Variants in GLG1 observed in about 807,000 individuals in gnomAD.
GLG1 encodes the protein golgi glycoprotein 1.
GLG1 carries 38 observed loss-of-function variants against 160.5 expected under a neutral mutation model. The observed-to-expected ratio is 0.24, with a 90% CI of 0.18 to 0.31. GLG1 has a LOEUF of 0.31. Among genes scored for constraint, GLG1 ranks in the 10% least tolerant of loss-of-function variants. GLG1 has a pLI of 1.00. For synonymous variants in GLG1, 644 were observed against 543.4 expected (o/e 1.19, Z -2.57); for missense variants, 1,373 against 1,505.2 (o/e 0.91, Z 1.45).
intron 16 of GLG1, 143 bp from the exon 17 acceptor site, chr16:74,469,206 T>A (rs1265272041): frequency 1.4e-5 from 9 of 629,388 alleles, no homozygotes. Context: ...CTGTATTTTT[T>A]TTCAGGGTGC....
intron 1 of GLG1, among the ~76,000 whole-genome samples, chr16:74,534,345 T>C (rs1429637735): frequency 6.6e-6 from 1 of 150,386 alleles, no homozygotes; most frequent in Non-Finnish European, 1.5e-5. Context: ...TTCTACACTA[T>C]CCTTTTAAAA....
At chr16:74,537,922 A>G (rs1202604980) in intron 1 of GLG1, among the ~76,000 whole-genome samples, 4 of 152,336 alleles carry the variant, frequency 2.6e-5, no homozygotes, top group South Asian at 4.1e-4. Context: ...GTCTGGAACT[A>G]TGATTTCCCC....
chr16:74,519,623 C>A (rs1300111129), intron 2 of GLG1, among the ~76,000 whole-genome samples: 1 of 150,450 alleles, frequency 6.6e-6, no homozygotes, highest in Non-Finnish European at 1.5e-5. Flanking sequence ...CTTTTATTCA[C>A]CCTTAAAATT....
At chr16:74,579,648 G>A (rs923869563) in intron 1 of GLG1, among the ~76,000 whole-genome samples, 1 of 151,898 alleles carries the variant, frequency 6.6e-6, no homozygotes, top group Non-Finnish European at 1.5e-5. Context: ...CTTGAACCAG[G>A]GAGGCGGAGG....
chr16:74,479,119 G>A (rs2143300570), intron 11 of GLG1, among the ~76,000 whole-genome samples: 1 of 131,758 alleles, frequency 7.6e-6, no homozygotes, highest in Middle Eastern at 4.8e-3. Context: ...CAGCTACTCG[G>A]GAGGCTGAGG....
chr16:74,531,981 C>G (rs529853283), intron 2 of GLG1, 140 bp downstream of exon 2: 123 of 411,666 alleles, frequency 3.0e-4, no homozygotes, highest in African/African-American at 2.2e-3. Flanking sequence ...ATTTTACCAG[C>G]ATCCTTAAAG....
At chr16:74,567,486 A>G (rs1312431952) in intron 1 of GLG1, among the ~76,000 whole-genome samples, 10 of 152,134 alleles carry the variant, frequency 6.6e-5, no homozygotes, top group Non-Finnish European at 1.5e-5. Context: ...GTCACGTCAG[A>G]AGTAAAACTC....
chr16:74,471,359 C>T, intron 14 of GLG1, 73 bp from the exon 15 acceptor site: 1 of 827,542 alleles, frequency 1.2e-6, no homozygotes, highest in South Asian at 1.4e-5. Context: ...CAGTCCGAAA[C>T]AAATGCAAGC....
chr16:74,489,642 C>G (rs1284867207), intron 8 of GLG1, among the ~76,000 whole-genome samples: 1 of 152,148 alleles, frequency 6.6e-6, no homozygotes, highest in Non-Finnish European at 1.5e-5. Flanking sequence ...CAACTGCACC[C>G]TAGAAACAAC....
intron 22 of GLG1, among the ~76,000 whole-genome samples, chr16:74,460,986 C>A (rs186768876): frequency 3.3e-5 from 5 of 152,338 alleles, no homozygotes; most frequent in African/African-American, 1.2e-4. Flanking sequence ...ACACAGCCCA[C>A]AGCAAAGACA....
intron 2 of GLG1, among the ~76,000 whole-genome samples, chr16:74,525,726 G>A (rs2143577364): frequency 6.7e-6 from 1 of 149,118 alleles, no homozygotes; most frequent in South Asian, 2.2e-4. Flanking sequence ...TCTAGAGTTG[G>A]AAGAGTTTTT....
intron 7 of GLG1, among the ~76,000 whole-genome samples, chr16:74,491,636 C>CTTTTTTT (rs57935114): frequency 1.1e-5 from 1 of 87,420 alleles, no homozygotes; most frequent in Admixed American, 1.4e-4. Flanking sequence ...ATGGGGAAAA[C>CTTTTTTT]TTTTTTTTTT....
rs1567447357 is a variant in GLG1 at position 74,450,065 on chromosome 16, T to C, written c.*3102A>G. ...ACCTCTAGAGGGCTGTGGCGCACAC[T>C]ATGCATAAGTCACAGGGACACTGGC... On this transcript the variant is annotated 3_prime_UTR_variant, in exon 26 of 26. Transcript: ENST00000422840. 3 of 152,232 alleles carry C rather than the reference T, an allele frequency of 2.0e-5. No individual in the cohort carries two copies. Among genetic ancestry groups the C allele is most frequent in the Non-Finnish European group, 2.9e-5 (2 of 68,052 alleles). The allele number at this position is 152,232 out of a possible 1,614,324, so 9.4% of individuals were successfully genotyped here. A position where few individuals can be genotyped will look rare whatever the true frequency, so the allele number is the denominator to read the frequency against.
At chr16:74,471,067 G>T (rs1489972560) in intron 15 of GLG1, 106 bp downstream of exon 15, 6 of 737,566 alleles carry the variant, frequency 8.1e-6, no homozygotes, top group South Asian at 4.7e-5. Context: ...GGAAAAAAAT[G>T]ACTTTTAACA....
intron 22 of GLG1, among the ~76,000 whole-genome samples, chr16:74,461,162 G>A (rs927081967): frequency 6.6e-6 from 1 of 151,216 alleles, no homozygotes; most frequent in Non-Finnish European, 1.5e-5. Context: ...GGCCATTATA[G>A]AATTACTTTT....
intron 1 of GLG1, among the ~76,000 whole-genome samples, chr16:74,537,613 C>G (rs2017722275): frequency 7.0e-6 from 1 of 143,674 alleles, no homozygotes; most frequent in South Asian, 2.4e-4. Context: ...ATCACCATCT[C>G]AAAAAGATCC....
chr16:74,566,513 C>T (rs1014699427), intron 1 of GLG1, among the ~76,000 whole-genome samples: 1 of 152,126 alleles, frequency 6.6e-6, no homozygotes, highest in Non-Finnish European at 1.5e-5. Context: ...CCATTGTCAT[C>T]TTTTTCCAAT....
intron 11 of GLG1, among the ~76,000 whole-genome samples, 162 bp downstream of exon 11, chr16:74,480,079 T>C (rs899840281): frequency 6.6e-6 from 1 of 152,110 alleles, no homozygotes; most frequent in African/African-American, 2.4e-5. Context: ...CAACTCTAAG[T>C]GCACTCACGG....
chr16:74,570,685 C>T (rs542533465), intron 1 of GLG1, among the ~76,000 whole-genome samples: 2 of 152,234 alleles, frequency 1.3e-5, no homozygotes, highest in South Asian at 4.2e-4. Flanking sequence ...CACTTGAGAT[C>T]AGGAGTTTGA....
Sources: allele counts gnomAD v4.1 joint callset (sites outside exome capture counted in the v4.1 genomes callset), GRCh38; gene constraint gnomAD v4.1.1; transcripts MANE v1.5; gene names NCBI Gene and HGNC (gene_info 2026-07-23, HGNC 2026-07-21).